DIS3L2: variants seen among roughly 807,000 people sequenced by gnomAD.
DIS3L2 encodes DIS3 like 3'-5' exoribonuclease 2.
In DIS3L2, 34 loss-of-function variants were observed where a neutral mutation model predicts 97.5. That is an observed-to-expected ratio of 0.35 (90% CI 0.27 to 0.46). The LOEUF (loss-of-function observed/expected upper bound fraction) is 0.46, where lower values mean the gene tolerates loss of function less well. Among genes scored for constraint, DIS3L2 ranks in the 20% least tolerant of loss-of-function variants. DIS3L2 has a pLI of 1.00. For missense variants in DIS3L2, 1,038 were observed against 1,146.0 expected, an observed-to-expected ratio of 0.91 and a Z score of 1.36; for synonymous variants, 435 against 445.2, an observed-to-expected ratio of 0.98 and a Z score of 0.29.
chr2:232,114,667 A>G (rs761097266), intron 6 of DIS3L2, among the ~76,000 whole-genome samples: 23 of 152,190 alleles, frequency 1.5e-4, no homozygotes, highest in Non-Finnish European at 2.9e-4. Context: ...TACCCGAAGT[A>G]ATCATTGTCC....
chr2:232,142,387 T>G (rs1690086780), intron 8 of DIS3L2, among the ~76,000 whole-genome samples: 1 of 152,156 alleles, frequency 6.6e-6, no homozygotes, highest in East Asian at 1.9e-4. Context: ...ATTGTTCCTT[T>G]CCTTGATGAG....
intron 13 of DIS3L2, among the ~76,000 whole-genome samples, chr2:232,265,398 C>G (rs904680531): frequency 6.6e-6 from 1 of 152,290 alleles, no homozygotes; most frequent in East Asian, 1.9e-4. Context: ...ATCTGTCTCT[C>G]TATCCCTGGC....
intron 9 of DIS3L2, among the ~76,000 whole-genome samples, chr2:232,205,211 C>CATATATATATATAT (rs57163508): frequency 2.3e-4 from 32 of 140,590 alleles, no homozygotes; most frequent in African/African-American, 8.0e-4. Context: ...AGGCAGTTTA[C>CATATATATATATAT]ATATATATAT....
rs1694634739 is a variant in DIS3L2, at chr2:232,292,752, T to C, written c.1660-7288T>C. On this transcript the variant is annotated intron_variant, in intron 13 of 20. Transcript: ENST00000325385. The surrounding 1 kb of genome is among the most constrained non-coding windows in gnomAD (Gnocchi z 4.4). ...TTTTCTGCCCTGGGGAGACTGCCCT[T>C]TCCTTGTTGGGATGAAAGCCTTGCC... 6.6e-6 allele frequency among the ~76,000 whole-genome samples: 1 copy of C among 152,204 alleles called. No individual in the cohort carries two copies. Among genetic ancestry groups the C allele is most frequent in the South Asian group, 2.1e-4 (1 of 4,838 alleles).
intron 6 of DIS3L2, among the ~76,000 whole-genome samples, chr2:232,093,153 G>A (rs779061934): frequency 2.2e-4 from 34 of 152,084 alleles, no homozygotes; most frequent in Non-Finnish European, 2.6e-4. Context: ...TCATCATATA[G>A]TTTTCTTCCT....
At chr2:232,198,088 G>A (rs1420685515) in intron 9 of DIS3L2, among the ~76,000 whole-genome samples, 6 of 152,118 alleles carry the variant, frequency 3.9e-5, no homozygotes, top group Non-Finnish European at 7.4e-5. Context: ...TTGAGTCATA[G>A]CTCTGCAGTT....
At chr2:231,985,573 C>T (rs1463800460) in intron 1 of DIS3L2, among the ~76,000 whole-genome samples, 1 of 152,204 alleles carries the variant, frequency 6.6e-6, no homozygotes, top group African/African-American at 2.4e-5. Context: ...AATAAATGCT[C>T]ATGAGTGCAT....
intron 1 of DIS3L2, among the ~76,000 whole-genome samples, chr2:232,010,629 T>G (rs1226578824): frequency 6.6e-6 from 1 of 152,176 alleles, no homozygotes; most frequent in Non-Finnish European, 1.5e-5. Flanking sequence ...ACTTTATCTC[T>G]TTGAGTTTCC....
chr2:232,296,631 C>G (rs1196824324), intron 13 of DIS3L2, among the ~76,000 whole-genome samples: 1 of 152,198 alleles, frequency 6.6e-6, no homozygotes, highest in Admixed American at 6.5e-5. Flanking sequence ...CACAAGCCCT[C>G]TTGCCTCTCG....
chr2:232,251,162 A>C (rs1693408269), intron 12 of DIS3L2, among the ~76,000 whole-genome samples: 1 of 152,246 alleles, frequency 6.6e-6, no homozygotes, highest in East Asian at 1.9e-4. Context: ...ATTCAACTGG[A>C]GTACAAACAA....
At chr2:231,982,190 A>G (rs1006539054) in intron 1 of DIS3L2, among the ~76,000 whole-genome samples, 7 of 152,172 alleles carry the variant, frequency 4.6e-5, no homozygotes, top group African/African-American at 1.2e-4. Flanking sequence ...GTAATCTTCA[A>G]TATATTGTGG....
chr2:232,244,484 G>A (rs1037466179), intron 11 of DIS3L2, among the ~76,000 whole-genome samples: 5 of 152,218 alleles, frequency 3.3e-5, no homozygotes, highest in African/African-American at 9.6e-5. Context: ...TCTCCATGTG[G>A]AGTTTGAAAC....
chr2:232,081,601 A>G (rs1455505947), intron 5 of DIS3L2, among the ~76,000 whole-genome samples: 2 of 152,146 alleles, frequency 1.3e-5, no homozygotes, highest in Non-Finnish European at 2.9e-5. Flanking sequence ...GGTAGAATAA[A>G]TGCGTAGAAT....
chr2:232,029,980 A>G lies in DIS3L2; in HGVS notation c.266A>G (p.Asp89Gly), dbSNP rs185730176. 2 of 1,595,606 alleles carry G rather than the reference A, an allele frequency of 1.3e-6. No individual in the cohort carries two copies. The highest frequency in any genetic ancestry group is 1.4e-5 in the African/African-American group (1 of 73,578). The change falls in exon 5 of 21, where the codon GAT becomes GGT. Residue 89 changes from aspartate to glycine, a missense_variant and splice_region_variant. Physicochemically the swap from Asp to Gly is moderately conservative, Grantham distance 94. Coordinates refer to ENST00000325385, the MANE Select transcript of DIS3L2 (RefSeq NM_152383.5). ...KFHEAFIPSP[D>G]GDRDIFIDGV... ...GTTTTATTTCTTTTTCCAACCTAGGATGGTGATCGAGACATTTTTATTGAT... is the reference window on the plus strand; with the variant it reads ...GTTTTATTTCTTTTTCCAACCTAGGGTGGTGATCGAGACATTTTTATTGAT...
At chr2:232,076,353 C>T (rs543957086) in intron 5 of DIS3L2, among the ~76,000 whole-genome samples, 2 of 152,256 alleles carry the variant, frequency 1.3e-5, no homozygotes, top group African/African-American at 2.4e-5. Context: ...TCTGCTTTCC[C>T]TCATAGTCCT....
At chr2:232,240,067 A>G (rs781127327) in intron 11 of DIS3L2, among the ~76,000 whole-genome samples, 46 of 152,212 alleles carry the variant, frequency 3.0e-4, no homozygotes, top group Non-Finnish European at 1.2e-4. Flanking sequence ...TGCTCCTGCT[A>G]CAAAGGGAGC....
chr2:232,288,508 C>G (rs897022728), intron 13 of DIS3L2, among the ~76,000 whole-genome samples: 7 of 152,216 alleles, frequency 4.6e-5, no homozygotes, highest in Non-Finnish European at 1.0e-4. Flanking sequence ...CTAGGACCAT[C>G]GGAACCCCAC....
At chr2:232,077,995 TTC>T (rs1559602304) in intron 5 of DIS3L2, among the ~76,000 whole-genome samples, 2 of 143,650 alleles carry the variant, frequency 1.4e-5, no homozygotes, top group Non-Finnish European at 1.5e-5. Context: ...CTTTCTTTCT[TTC>T]TTTCTTTCTT....
At chr2:232,277,362 T>C (rs1694167713) in intron 13 of DIS3L2, among the ~76,000 whole-genome samples, 1 of 152,252 alleles carries the variant, frequency 6.6e-6, no homozygotes, top group South Asian at 2.1e-4. Context: ...GCAGCTGGAA[T>C]GTTTCCAGTT....
Sources: allele counts gnomAD v4.1 joint callset (sites outside exome capture counted in the v4.1 genomes callset), GRCh38; gene constraint gnomAD v4.1.1; non-coding constraint Gnocchi (gnomAD v3.1); transcripts MANE v1.5; gene names NCBI Gene and HGNC (gene_info 2026-07-23, HGNC 2026-07-21).